The following NEGR1 variants were observed in gnomAD, a reference collection of about 807,000 sequenced individuals.
The protein encoded by NEGR1 is IgLON family member 4.
In NEGR1, 10 loss-of-function variants were observed where a neutral mutation model predicts 40.9. The ratio of observed to expected loss-of-function variants is 0.24; its 90% CI spans 0.15 to 0.42. The LOEUF (loss-of-function observed/expected upper bound fraction) is 0.42. NEGR1 is among the 10% of genes least tolerant of loss of function. The probability of loss-of-function intolerance (pLI) is 1.00; values close to 1 mark genes in which losing one functional copy is unlikely to be tolerated. For synonymous variants in NEGR1, 185 were observed against 166.8 expected (o/e 1.11, Z -0.84); for missense variants, 352 against 438.9 (o/e 0.80, Z 1.77).
chr1:71,721,327 T>C (rs528173686), intron 3 of NEGR1, among the ~76,000 whole-genome samples: 13 of 152,278 alleles, frequency 8.5e-5, no homozygotes, highest in Middle Eastern at 3.4e-3. Context: ...ACAAGTTATA[T>C]AGAATGTTTT....
intron 1 of NEGR1, among the ~76,000 whole-genome samples, chr1:72,211,639 T>C (rs938533432): frequency 1.3e-5 from 2 of 150,894 alleles, no homozygotes; most frequent in African/African-American, 4.8e-5. Flanking sequence ...TATACATTAA[T>C]ATGTAATGGG....
At chr1:72,274,977 T>C (rs1655989322) in intron 1 of NEGR1, 7 of 1,529,066 alleles carry the variant, frequency 4.6e-6, no homozygotes, top group Non-Finnish European at 5.4e-6. Context: ...GGAAGTACAT[T>C]GCCATAGTTA....
At chr1:71,542,872 G>T (rs1647761395) in intron 6 of NEGR1, among the ~76,000 whole-genome samples, 2 of 151,762 alleles carry the variant, frequency 1.3e-5, no homozygotes, top group South Asian at 4.1e-4. Flanking sequence ...ACCAATTCTG[G>T]AGCACATTTA....
intron 1 of NEGR1, among the ~76,000 whole-genome samples, chr1:72,218,668 C>G (rs1343741035): frequency 6.6e-6 from 1 of 151,360 alleles, no homozygotes; most frequent in Non-Finnish European, 1.5e-5. Context: ...AGACTCATCA[C>G]AACACAGAGT....
At chr1:71,536,881 T>C (rs894497407) in intron 6 of NEGR1, among the ~76,000 whole-genome samples, 2 of 151,730 alleles carry the variant, frequency 1.3e-5, no homozygotes, top group African/African-American at 2.4e-5. Context: ...TGACTTAATA[T>C]AGTCAAGCTC....
chr1:71,665,165 AG>A (rs1180912166), intron 4 of NEGR1, among the ~76,000 whole-genome samples: 1 of 152,232 alleles, frequency 6.6e-6, no homozygotes, highest in Non-Finnish European at 1.5e-5. Flanking sequence ...GATACTTAAA[AG>A]TAAAAGTATA....
intron 1 of NEGR1, among the ~76,000 whole-genome samples, chr1:72,044,370 C>A (rs1170144924): frequency 6.7e-6 from 1 of 149,918 alleles, no homozygotes. Flanking sequence ...AAACTAATAT[C>A]CTCAGACAAT....
intron 1 of NEGR1, among the ~76,000 whole-genome samples, chr1:72,146,234 T>G (rs1043383267): frequency 6.6e-6 from 1 of 152,170 alleles, no homozygotes; most frequent in Non-Finnish European, 1.5e-5. Flanking sequence ...AATAACTTTT[T>G]AATTAAACAC....
intron 4 of NEGR1, among the ~76,000 whole-genome samples, chr1:71,688,403 T>TATAAAAAAAATATATAA (rs1557613864): frequency 3.3e-5 from 1 of 30,148 alleles, no homozygotes; most frequent in Non-Finnish European, 6.2e-5. Flanking sequence ...AATATATATA[T>TATAAAAAAAATATATAA]AAGATATATA....
chr1:72,172,182 C>CT (rs34945417), intron 1 of NEGR1, among the ~76,000 whole-genome samples: 1 of 152,044 alleles, frequency 6.6e-6, no homozygotes, highest in South Asian at 2.1e-4. Context: ...AATATGATTG[C>CT]TTTTTCAATA....
At chr1:72,252,975 G>T (rs919340965) in intron 1 of NEGR1, among the ~76,000 whole-genome samples, 1 of 152,152 alleles carries the variant, frequency 6.6e-6, no homozygotes, top group African/African-American at 2.4e-5. Context: ...TGTTTTGTTG[G>T]TGCTGCTGCT....
chr1:71,718,657 T>G (rs1570254339), intron 3 of NEGR1, among the ~76,000 whole-genome samples: 1 of 152,314 alleles, frequency 6.6e-6, no homozygotes, highest in South Asian at 2.1e-4. Flanking sequence ...AAATATGTTT[T>G]TATTATTTAT....
intron 4 of NEGR1, among the ~76,000 whole-genome samples, chr1:71,672,367 G>A (rs988555210): frequency 2.6e-5 from 4 of 152,146 alleles, no homozygotes; most frequent in African/African-American, 9.7e-5. Context: ...AGACACTCAT[G>A]AGTAGCATTT....
intron 1 of NEGR1, among the ~76,000 whole-genome samples, chr1:72,123,264 A>C (rs747125183): frequency 2.0e-5 from 3 of 151,938 alleles, no homozygotes; most frequent in Non-Finnish European, 4.4e-5. Flanking sequence ...GAATAAAATC[A>C]TTTCCATATC....
chr1:72,027,174 C>G (rs1315883535), intron 1 of NEGR1, among the ~76,000 whole-genome samples: 1 of 152,150 alleles, frequency 6.6e-6, no homozygotes, highest in Non-Finnish European at 1.5e-5. Flanking sequence ...GATCCACCCG[C>G]TTCGGCCTCC....
chr1:72,179,700 G>A (rs1180405178), intron 1 of NEGR1, among the ~76,000 whole-genome samples: 1 of 151,806 alleles, frequency 6.6e-6, no homozygotes, highest in Non-Finnish European at 1.5e-5. Flanking sequence ...AGGTTGCAGT[G>A]TACAAAACCA....
At chr1:71,453,315 A>G (rs1401053717) in intron 6 of NEGR1, among the ~76,000 whole-genome samples, 1 of 152,128 alleles carries the variant, frequency 6.6e-6, no homozygotes, top group Non-Finnish European at 1.5e-5. Context: ...TCTTAGTGAA[A>G]TAGCTCTTTT....
At chr1:72,021,998 G>C (rs750522697) in intron 1 of NEGR1, among the ~76,000 whole-genome samples, 1 of 152,008 alleles carries the variant, frequency 6.6e-6, no homozygotes, top group South Asian at 2.1e-4. Context: ...AGCTGGGCGT[G>C]GTGGCAGGCG....
chr1:71,896,433 A>G (rs1660976106), intron 2 of NEGR1, among the ~76,000 whole-genome samples: 1 of 152,106 alleles, frequency 6.6e-6, no homozygotes, highest in African/African-American at 2.4e-5. Context: ...ATTTCTTTGT[A>G]TTTTTTAGAT....
Sources: allele counts gnomAD v4.1 joint callset (sites outside exome capture counted in the v4.1 genomes callset), GRCh38; gene constraint gnomAD v4.1.1; transcripts MANE v1.5; gene names NCBI Gene and HGNC (gene_info 2026-07-23, HGNC 2026-07-21).